Variants in FGF13 observed in about 807,000 individuals in gnomAD.
FGF13 encodes fibroblast growth factor 13, also known as fibroblast growth factor homologous factor 2.
In FGF13, 2 loss-of-function variants were observed where a neutral mutation model predicts 19.5. That is an observed-to-expected ratio of 0.10 (90% CI 0.04 to 0.32). FGF13 has a LOEUF of 0.32. Among genes scored for constraint, FGF13 ranks in the 10% least tolerant of loss-of-function variants. The probability of loss-of-function intolerance (pLI) is 1.00; values close to 1 mark genes in which losing one functional copy is unlikely to be tolerated. For missense variants in FGF13, 113 were observed against 192.7 expected, an observed-to-expected ratio of 0.59 and a Z score of 2.45; for synonymous variants, 72 against 76.9, an observed-to-expected ratio of 0.94 and a Z score of 0.33.
intron 1 of FGF13, among the ~76,000 whole-genome samples, chrX:139,142,677 C>G (rs1037770184): frequency 2.7e-5 from 3 of 111,417 alleles, no homozygotes; most frequent in Non-Finnish European, 5.6e-5. Context: ...TCCTCCTCAT[C>G]TGTAGAAGAG....
chrX:139,073,060 T>A (rs1441272375), intron 1 of FGF13, among the ~76,000 whole-genome samples: 2 of 111,383 alleles, frequency 1.8e-5, no homozygotes, highest in Admixed American at 1.9e-4. Context: ...GCATTTCTAA[T>A]CCTTCCTTTA....
intron 1 of FGF13, among the ~76,000 whole-genome samples, chrX:138,880,396 G>A (rs986864311): frequency 8.9e-6 from 1 of 111,753 alleles, no homozygotes; most frequent in Non-Finnish European, 1.9e-5. Flanking sequence ...GTTTACTGTG[G>A]CACTATTTAC....
intron 1 of FGF13, among the ~76,000 whole-genome samples, chrX:138,960,759 G>C (rs2091865280): frequency 9.0e-6 from 1 of 111,024 alleles, no homozygotes. Flanking sequence ...TCATTCATTT[G>C]ATCTTCAATC....
intron 1 of FGF13, among the ~76,000 whole-genome samples, chrX:139,026,628 T>C (rs1474586887): frequency 9.0e-6 from 1 of 111,630 alleles, no homozygotes; most frequent in African/African-American, 3.3e-5. Context: ...GTCCAGTTTC[T>C]CTGGTGGGAA....
intron 1 of FGF13, among the ~76,000 whole-genome samples, chrX:139,040,025 G>A (rs962197773): frequency 8.9e-6 from 1 of 112,054 alleles, no homozygotes; most frequent in Non-Finnish European, 1.9e-5. Context: ...TAATAGTATG[G>A]CCTGAGAGAA....
chrX:139,178,838 CCA>C (rs1449587594), intron 1 of FGF13, among the ~76,000 whole-genome samples: 1 of 111,815 alleles, frequency 8.9e-6, no homozygotes, highest in Admixed American at 9.5e-5. Context: ...CAAACTGATT[CCA>C]GTTATCTTCC....
rs1279112324 is a variant in FGF13, at chrX:138,711,078, GC to G, written c.-76del. The stretch of plus-strand genomic sequence containing the variant: ...CGCCTCCTCCTCCTTCTCCTCCGCT[GC>G]TTGTCCGCTGTCTCGCGACTTCGCC... On this transcript the variant is annotated 5_prime_UTR_variant, in exon 1 of 5. Coordinates refer to ENST00000315930, the MANE Select transcript of FGF13 (RefSeq NM_004114.5). 3.4e-6 allele frequency: 4 copies of G among 1,176,089 alleles called. No individual in the cohort carries two copies. The African/African-American group carries it at 5.3e-5, about 15-fold the overall frequency.
At position 138,842,995 on chromosome X, in the gene FGF13, C is replaced by T. The variant is rs191742586; in HGVS notation, c.217+14517G>A. On this transcript the variant is annotated intron_variant, in intron 3 of 6. Coordinates refer to the FGF13 transcript ENST00000436198. ...TGATAATTTGGTGTAATTTTTAAGC[C>T]AATGTTATTCATTATCAAGTATGAG... Among the ~76,000 whole-genome samples, 5 of 111,530 alleles carry T rather than the reference C, an allele frequency of 4.5e-5. No individual in the cohort carries two copies. In the East Asian group the frequency reaches 8.5e-4, roughly 19 times the overall value.
Position 138,618,264 on chromosome X carries a change from C to G in FGF13, c.*14586G>C, listed in dbSNP as rs2088985923. On this transcript the variant is annotated 3_prime_UTR_variant, in exon 5 of 5. Coordinates refer to ENST00000315930, the MANE Select transcript of FGF13 (RefSeq NM_004114.5). ...TTATGTCAACCGTCTCTCAAGCTAG[C>G]AGAACTCAACACCAAGAGATACAAC... The G allele has an allele frequency of 9.0e-6, 1 of 111,437 alleles. No individual in the cohort carries two copies. Among genetic ancestry groups the G allele is most frequent in the Non-Finnish European group, 1.9e-5 (1 of 53,106 alleles). 9.2% of individuals were successfully genotyped at this position (111,437 alleles called of 1,213,427 possible).
intron 1 of FGF13, among the ~76,000 whole-genome samples, chrX:138,945,909 A>AT (rs768304420): frequency 1.1e-4 from 12 of 111,067 alleles, no homozygotes; most frequent in East Asian, 5.7e-4. Context: ...TAACTTTATG[A>AT]TTTTTTTTGT....
At chrX:138,990,779 C>T (rs2092012490) in intron 1 of FGF13, among the ~76,000 whole-genome samples, 1 of 111,928 alleles carries the variant, frequency 8.9e-6, no homozygotes, top group African/African-American at 3.2e-5. Flanking sequence ...GACACACAGC[C>T]AAACCATATC....
intron 1 of FGF13, among the ~76,000 whole-genome samples, chrX:138,999,913 T>G (rs906134549): frequency 1.8e-5 from 2 of 111,889 alleles, no homozygotes; most frequent in African/African-American, 6.5e-5. Context: ...ATATCCACGA[T>G]GAACATCGAT....
chrX:138,675,227 T>C (rs1452860882), intron 3 of FGF13, among the ~76,000 whole-genome samples: 3 of 112,226 alleles, frequency 2.7e-5, no homozygotes, highest in Admixed American at 1.9e-4. Context: ...GCCATTTTCT[T>C]CCCAATGAAG....
chrX:139,093,833 G>A (rs1208127515), intron 1 of FGF13, among the ~76,000 whole-genome samples: 2 of 112,157 alleles, frequency 1.8e-5, no homozygotes, highest in Admixed American at 1.9e-4. Flanking sequence ...TAGCGAACAA[G>A]TGTAATGCTA....
intron 1 of FGF13, among the ~76,000 whole-genome samples, chrX:138,876,671 G>A (rs1216698898): frequency 1.8e-5 from 2 of 112,053 alleles, no homozygotes; most frequent in Non-Finnish European, 3.8e-5. Context: ...GAGCACAGCC[G>A]TAGGCCTTGT....
chrX:138,633,581 C>T (rs1350398305), intron 4 of FGF13, among the ~76,000 whole-genome samples: 1 of 111,984 alleles, frequency 8.9e-6, no homozygotes, highest in Non-Finnish European at 1.9e-5. Context: ...AAATGAAACA[C>T]TTCAAGAGTC....
chrX:138,650,648 T>C (rs2089360407), intron 3 of FGF13, among the ~76,000 whole-genome samples: 1 of 111,869 alleles, frequency 8.9e-6, no homozygotes. Context: ...TAACTGTACA[T>C]ATTAATGGGA....
At chrX:138,659,422 G>C (rs1228476174) in intron 3 of FGF13, among the ~76,000 whole-genome samples, 1 of 112,268 alleles carries the variant, frequency 8.9e-6, no homozygotes, top group Admixed American at 9.4e-5. Flanking sequence ...GTGCTGGAGA[G>C]GATGTGGAGA....
intron 3 of FGF13, among the ~76,000 whole-genome samples, chrX:138,772,603 T>G (rs1195161106): frequency 9.0e-6 from 1 of 111,655 alleles, no homozygotes; most frequent in Non-Finnish European, 1.9e-5. Context: ...TGCTGAGTTT[T>G]GTTAGTGAGT....
Sources: gnomAD v4.1 joint callset for allele counts (sites outside exome capture counted in the v4.1 genomes callset) on GRCh38, gnomAD v4.1.1 for gene constraint, MANE v1.5 for transcripts, NCBI Gene and HGNC (gene_info 2026-07-23, HGNC 2026-07-21) for gene names.